Variants in FAN1 observed in about 807,000 individuals in gnomAD.
FAN1 encodes FANCD2 and FANCI associated nuclease 1.
FAN1 carries 91 observed loss-of-function variants against 104.9 expected under a neutral mutation model. The ratio of observed to expected loss-of-function variants is 0.87; its 90% CI spans 0.73 to 1.03. The LOEUF (loss-of-function observed/expected upper bound fraction) is 1.03. FAN1 is among the 50% of genes least tolerant of loss of function. The pLI is 0.00. For synonymous variants in FAN1, 478 were observed against 457.6 expected (o/e 1.04, Z -0.57); for missense variants, 1,263 against 1,239.9 (o/e 1.02, Z -0.28).
chr15:30,928,619 T>A lies in FAN1; in HGVS notation c.2555T>A (p.Met852Lys), dbSNP rs756918589. 1.4e-5 allele frequency: 23 copies of A among 1,613,484 alleles called. No homozygotes were observed. The highest frequency in any genetic ancestry group is 1.9e-5 in the Non-Finnish European group (22 of 1,179,918). The change falls in exon 11 of 15, where the codon ATG becomes AAG. Residue 852 changes from methionine (M) to lysine (K), a missense_variant. Transcript: ENST00000362065. ...YGLLLWDIIF[M>K]DGIPDVFRNA... is the part of the protein sequence containing the mutation. ...CTCCTCCTGTGGGACATCATCTTCATGGATGGGATTCCGGATGTCTTCAGA... is the reference window on the plus strand; with the variant it reads ...CTCCTCCTGTGGGACATCATCTTCAAGGATGGGATTCCGGATGTCTTCAGA...
intron 14 of FAN1, 129 bp from the exon 15 acceptor site, chr15:30,941,437 G>A: frequency 1.9e-6 from 3 of 1,572,696 alleles, no homozygotes; most frequent in Admixed American, 1.9e-5. Context: ...AAAGTTGACA[G>A]CTTCCCTCAA....
chr15:30,919,047 T>C (rs542707517), intron 6 of FAN1, among the ~76,000 whole-genome samples: 2 of 152,266 alleles, frequency 1.3e-5, no homozygotes, highest in Non-Finnish European at 2.9e-5. Flanking sequence ...GCTGTATTCT[T>C]ACAATAAAGT....
rs752687208 is a variant in FAN1, at chr15:30,905,819, G to A, written c.1156G>A (p.Val386Ile). 1 of 1,613,978 alleles carries A rather than the reference G, an allele frequency of 6.2e-7. No individual in the cohort carries two copies. Among genetic ancestry groups the A allele is most frequent in the Non-Finnish European group, 8.5e-7 (1 of 1,179,942 alleles). The change falls in exon 2 of 15, where the codon GTA becomes ATA. Residue 386 changes from valine to isoleucine, a missense_variant. Around this residue, in one of 2 missense-constraint regions of FAN1, gnomAD observed 682 missense variants for 571.1 expected, o/e 1.19. Coordinates refer to ENST00000362065, the MANE Select transcript of FAN1 (RefSeq NM_014967.5). ...GAGTTTCCTTGTGGTGCTGAAAACC[G>A]TACTTGAGAATGAAGATGATATGTT... is the stretch of plus-strand genomic sequence containing the variant. ...LRSFLVVLKT[V>I]LENEDDMLLF... is the part of the protein sequence containing the mutation.
In FAN1 at chr15:30,905,717, C is replaced by T; in HGVS notation, c.1054C>T (p.Pro352Ser). ...TGACAGTTGCTTAAACAATGATATC[C>T]CTCACAGCATTCCTTTGGAGCAGGG... Reference protein sequence around the residue: ...QDDSCLNNDIPHSIPLEQGSS... With the variant: ...QDDSCLNNDISHSIPLEQGSS... Residue 352 changes from proline to serine, a missense_variant, in exon 2 of 15, where the codon CCT (proline) becomes TCT (serine). Around this residue, in one of 2 missense-constraint regions of FAN1, gnomAD observed 682 missense variants for 571.1 expected, o/e 1.19. Coordinates refer to ENST00000362065, the MANE Select transcript of FAN1 (RefSeq NM_014967.5). 1 of 1,614,096 alleles carries T rather than the reference C, an allele frequency of 6.2e-7. No individual in the cohort carries two copies. Among genetic ancestry groups the T allele is most frequent in the Non-Finnish European group, 8.5e-7 (1 of 1,179,978 alleles).
chr15:30,925,172 A>G lies in FAN1; in HGVS notation c.2218A>G (p.Thr740Ala), dbSNP rs2062428122. 2 of 1,613,876 alleles carry G rather than the reference A, an allele frequency of 1.2e-6. No homozygotes were observed. The highest frequency in any genetic ancestry group is 2.2e-5 in the South Asian group (2 of 91,078). ...TEGLADPEVR[T>A]GHRLSLYQRA... ...GGGGCTGGCGGATCCGGAAGTCAGA[A>G]CGGGACACCGCCTTTCACTGTATCA... The change falls in exon 9 of 15, where the codon ACG becomes GCG. Residue 740 changes from threonine to alanine, a missense_variant. Physicochemically the swap from Thr to Ala is moderately conservative, Grantham distance 58. Transcript: ENST00000362065.
chr15:30,909,267 G>A (rs1262287330), intron 3 of FAN1, among the ~76,000 whole-genome samples: 2 of 152,220 alleles, frequency 1.3e-5, no homozygotes, highest in Non-Finnish European at 2.9e-5. Context: ...GGAGCAGTAA[G>A]TGGGGATGAA....
rs749780951 is a variant in FAN1, at chr15:30,913,947, A to T, written c.1667A>T (p.Asp556Val). Reference protein sequence around the residue: ...SRILLLFSLTDSMEDEDAACG... With the variant: ...SRILLLFSLTVSMEDEDAACG... ...ATCTTGCTACTGTTTTCGTTGACCG[A>T]CTCAATGGAAGATGAAGACGCCGCT... Residue 556 changes from aspartate (D) to valine (V), a missense_variant, in exon 5 of 15, where the codon GAC (aspartate) becomes GTC (valine). Asp to Val is a radical substitution (Grantham distance 152). This residue lies in a region of FAN1 where 581 missense variants were observed against 668.8 expected (regional missense o/e 0.87). Transcript: ENST00000362065. 1 of 1,614,158 alleles carries T rather than the reference A, an allele frequency of 6.2e-7. No individual in the cohort carries two copies. The highest frequency in any genetic ancestry group is 8.5e-7 in the Non-Finnish European group (1 of 1,180,016).
rs554680988 is a variant in FAN1, at chr15:30,929,666, TATATA to T, written c.2787+275_2787+279del. ...ACAATATATAATATAATATATGAAA[TATATA>T]ATATATCATATAATATATATAAAAT... On this transcript the variant is annotated intron_variant, in intron 12 of 14. Transcript: ENST00000362065. Among the ~76,000 whole-genome samples the T allele has an allele frequency of 0.032, 2,275 of 71,258 alleles. 197 individuals are homozygous for T. Among genetic ancestry groups the T allele is most frequent in the African/African-American group, 0.1 (2,140 of 21,026 alleles). The allele number at this position is 71,258 out of a possible 152,430, so 46.7% of individuals were successfully genotyped here. A position where few individuals can be genotyped will look rare whatever the true frequency, so the allele number is the denominator to read the frequency against.
At chr15:30,919,207 C>T (rs1349104642) in intron 6 of FAN1, among the ~76,000 whole-genome samples, 3 of 151,582 alleles carry the variant, frequency 2.0e-5, no homozygotes, top group African/African-American at 7.3e-5. Context: ...ATGGAGAAAC[C>T]TCGTCTCTAC....
chr15:30,906,820 T>A (rs180732041), intron 2 of FAN1, among the ~76,000 whole-genome samples: 1 of 152,230 alleles, frequency 6.6e-6, no homozygotes, highest in Non-Finnish European at 1.5e-5. Flanking sequence ...CTACTTTTGC[T>A]GTTCTCACCA....
intron 11 of FAN1, among the ~76,000 whole-genome samples, 192 bp from the exon 12 acceptor site, chr15:30,929,011 T>C (rs1248889899): frequency 6.6e-6 from 1 of 152,194 alleles, no homozygotes; most frequent in Admixed American, 6.5e-5. Context: ...AGCGAAAAGC[T>C]GTTTTTGCAA....
chr15:30,907,805 A>G (rs1394984769), intron 2 of FAN1, among the ~76,000 whole-genome samples: 3 of 152,202 alleles, frequency 2.0e-5, no homozygotes, highest in African/African-American at 4.8e-5. Context: ...ATTATTTCAG[A>G]TTATTTTCGA....
chr15:30,916,648 A>C (rs1377826280), intron 5 of FAN1, among the ~76,000 whole-genome samples: 1 of 152,186 alleles, frequency 6.6e-6, no homozygotes, highest in Non-Finnish European at 1.5e-5. Flanking sequence ...CTTGTTGTCT[A>C]CCTCTGTACT....
intron 6 of FAN1, among the ~76,000 whole-genome samples, chr15:30,920,032 G>A (rs1452054786): frequency 3.3e-5 from 5 of 152,188 alleles, no homozygotes; most frequent in Non-Finnish European, 7.3e-5. Context: ...AATATTTTAG[G>A]CTTTGCAGGC....
chr15:30,929,172 A>C (rs186763003), intron 11 of FAN1, 31 bp from the exon 12 acceptor site: 5 of 1,602,814 alleles, frequency 3.1e-6, no homozygotes, highest in Non-Finnish European at 4.3e-6. Flanking sequence ...CTGCAGGCAC[A>C]GTATGACAGC....
Position 30,941,682 on chromosome 15 carries a change from A to G in FAN1, c.*120A>G. On this transcript the variant is annotated 3_prime_UTR_variant, in exon 15 of 15. Transcript: ENST00000362065. ...ATCCTGCTCTGGCCCAGCTCCCCATAGCAGGCCTCCAGGGGGCCACTGCGC... is the reference window on the plus strand; with the variant it reads ...ATCCTGCTCTGGCCCAGCTCCCCATGGCAGGCCTCCAGGGGGCCACTGCGC... 6.2e-7 allele frequency: 1 copy of G among 1,613,720 alleles called. No homozygotes were observed.
intron 13 of FAN1, 85 bp from the exon 14 acceptor site, chr15:30,937,034 A>G (rs2140971704): frequency 9.5e-7 from 1 of 1,056,850 alleles, no homozygotes; most frequent in Admixed American, 2.1e-5. Context: ...CCATTTAAAT[A>G]GTTGTCAGTG....
rs905768623 is a variant in FAN1, at chr15:30,934,163, T to C, written c.2917-2956T>C. Among the ~76,000 whole-genome samples, 4 of 152,346 alleles carry C rather than the reference T, an allele frequency of 2.6e-5. No individual in the cohort carries two copies. In the East Asian group the frequency reaches 5.8e-4, roughly 22 times the overall value. ...TCATGAGTCTACCCTTTTATCATTA[T>C]GCAGTGACCCCCCCTTTACACCTGG... On this transcript the variant is annotated intron_variant, in intron 13 of 14. Coordinates refer to ENST00000362065, the MANE Select transcript of FAN1 (RefSeq NM_014967.5).
At chr15:30,926,634 G>T in intron 10 of FAN1, 3 of 985,256 alleles carry the variant, frequency 3.0e-6, no homozygotes, top group Non-Finnish European at 3.6e-6. Flanking sequence ...TGGGGAAGAC[G>T]TGCAAATGCC....
Sources: gnomAD v4.1 joint callset for allele counts (sites outside exome capture counted in the v4.1 genomes callset) on GRCh38, gnomAD v4.1.1 for gene constraint, gnomAD v4.1.1 regional missense constraint, MANE v1.5 for transcripts, NCBI Gene and HGNC (gene_info 2026-07-23, HGNC 2026-07-21) for gene names.